THAP6: variants seen among roughly 807,000 people sequenced by gnomAD.
The protein encoded by THAP6 is THAP domain containing 6.
In THAP6, 13 loss-of-function variants were observed where a neutral mutation model predicts 20.0. That is an observed-to-expected ratio of 0.65 (90% CI 0.42 to 1.03). The LOEUF is 1.03. Among genes scored for constraint, THAP6 ranks in the 50% least tolerant of loss-of-function variants. THAP6 has a pLI of 0.00. For missense variants in THAP6, 262 were observed against 261.6 expected, an observed-to-expected ratio of 1.00 and a Z score of -0.01; for synonymous variants, 93 against 92.2, an observed-to-expected ratio of 1.01 and a Z score of -0.05.
intron 2 of THAP6, among the ~76,000 whole-genome samples, chr4:75,538,410 G>A (rs1726925141): frequency 6.6e-6 from 1 of 151,172 alleles, no homozygotes; most frequent in Admixed American, 6.6e-5. Flanking sequence ...AGGAACATAA[G>A]AATGTCATTG....
intron 2 of THAP6, among the ~76,000 whole-genome samples, chr4:75,536,346 C>T (rs190218516): frequency 0.017 from 2,546 of 152,070 alleles, 35 homozygotes; most frequent in Non-Finnish European, 0.023. Flanking sequence ...TGCCTGTAAT[C>T]CCAGCTACTC....
intron 2 of THAP6, among the ~76,000 whole-genome samples, chr4:75,539,387 A>G (rs550068540): frequency 1.3e-5 from 2 of 152,336 alleles, no homozygotes; most frequent in Admixed American, 6.5e-5. Context: ...GTGTGAGAGA[A>G]CAACAGGAAT....
chr4:75,516,911 A>G lies in THAP6; in HGVS notation c.220A>G (p.Ser74Gly). The change falls in exon 3 of 5, where the codon AGT becomes GGT. Residue 74 changes from serine to glycine, a missense_variant. Transcript: ENST00000311638. Reference protein sequence around the residue: ...RHFKKTDFDRSAPNIKLKPGV... With the variant: ...RHFKKTDFDRGAPNIKLKPGV... ...CTTTAAGAAGACAGATTTTGACAGA[A>G]GTGCTCCAAATATTAAACTGAAACC... The G allele has an allele frequency of 2.5e-6, 4 of 1,614,024 alleles. No individual in the cohort carries two copies. Among genetic ancestry groups the G allele is most frequent in the Non-Finnish European group, 3.4e-6 (4 of 1,180,008 alleles).
intron 3 of THAP6, 81 bp from the exon 4 acceptor site, chr4:75,521,655 A>T: frequency 1.5e-6 from 2 of 1,375,268 alleles, no homozygotes; most frequent in African/African-American, 1.5e-5. Context: ...TAACTTCACT[A>T]TACAAAGTTA....
At chr4:75,530,457 GC>G (rs1401750406), downstream of THAP6, among the ~76,000 whole-genome samples, 1 of 152,092 alleles carries the variant, frequency 6.6e-6, no homozygotes, top group East Asian at 1.9e-4. Flanking sequence ...ATGTTTATAG[GC>G]CCCTGAATTT....
intron 3 of THAP6, among the ~76,000 whole-genome samples, chr4:75,545,766 G>A (rs745596996): frequency 2.0e-5 from 3 of 152,188 alleles, no homozygotes; most frequent in Non-Finnish European, 4.4e-5. Flanking sequence ...ACCACAGATG[G>A]GAGACTAGCC....
chr4:75,544,165 A>G (rs1015214923), intron 3 of THAP6, among the ~76,000 whole-genome samples: 1 of 152,198 alleles, frequency 6.6e-6, no homozygotes, highest in African/African-American at 2.4e-5. Context: ...CCCAGCTTCA[A>G]CAGTTATAAA....
intron 3 of THAP6, among the ~76,000 whole-genome samples, chr4:75,545,620 T>A (rs1727108794): frequency 6.6e-6 from 1 of 152,108 alleles, no homozygotes; most frequent in Non-Finnish European, 1.5e-5. Context: ...TCAACCTGAC[T>A]CAGGGGTGCC....
chr4:75,525,755 G>A (rs1234658890), intron 4 of THAP6, among the ~76,000 whole-genome samples: 1 of 152,084 alleles, frequency 6.6e-6, no homozygotes, highest in Non-Finnish European at 1.5e-5. Context: ...GAAACTGTTC[G>A]ACCCTTTCAG....
Position 75,521,719 on chromosome 4 carries a change from T to TTAC in THAP6, c.289-15_289-14insCTA, listed in dbSNP as rs386400514. On this transcript the variant is annotated splice_polypyrimidine_tract_variant and intron_variant, in intron 3 of 4. Transcript: ENST00000311638. ...AAAGTATCTCACTTGATGATTATTA[T>TTAC]TAACTACTCTTAACAGGGGAAAAGA... The TTAC allele has an allele frequency of 3.8e-6, 6 of 1,583,928 alleles. No homozygotes were observed. Among genetic ancestry groups the TTAC allele is most frequent in the Middle Eastern group, 3.4e-4 (2 of 5,878 alleles).
upstream of THAP6, chr4:75,514,030 C>G: frequency 9.4e-7 from 1 of 1,064,762 alleles, no homozygotes; most frequent in Non-Finnish European, 1.3e-6. Context: ...TGGGGCTTAT[C>G]GCCTTGCCAA....
chr4:75,521,859 T>A lies in THAP6; in HGVS notation c.412T>A (p.Phe138Ile). The change falls in exon 4 of 5, where the codon TTT becomes ATT. Residue 138 changes from phenylalanine to isoleucine, a missense_variant and splice_region_variant. Transcript: ENST00000311638. Reference protein sequence around the residue: ...CIEEFQSQFIFEHSYSVMDSP... With the variant: ...CIEEFQSQFIIEHSYSVMDSP... ...TGAAGAATTCCAATCCCAGTTCATT[T>A]TTGTAAGTAAATTACTTGCTGAGCT... is the stretch of plus-strand genomic sequence containing the variant. 2 of 1,613,492 alleles carry A rather than the reference T, an allele frequency of 1.2e-6. No individual in the cohort carries two copies. The highest frequency in any genetic ancestry group is 1.7e-6 in the Non-Finnish European group (2 of 1,179,594).
At chr4:75,537,578 A>G (rs908378562) in intron 2 of THAP6, among the ~76,000 whole-genome samples, 2 of 152,128 alleles carry the variant, frequency 1.3e-5, no homozygotes, top group South Asian at 2.1e-4. Flanking sequence ...TGTGAGTCCA[A>G]TTAAACTACT....
At chr4:75,514,357 C>A, upstream of THAP6, 1 of 1,510,964 alleles carries the variant, frequency 6.6e-7, no homozygotes, top group Non-Finnish European at 9.0e-7. Flanking sequence ...GAAGCTGCGC[C>A]TCTCTAGCAC....
downstream of THAP6, among the ~76,000 whole-genome samples, chr4:75,534,980 G>A (rs1336660743): frequency 6.6e-6 from 1 of 152,218 alleles, no homozygotes; most frequent in East Asian, 1.9e-4. Context: ...CAACCATTGT[G>A]GAAGTCAGTG....
chr4:75,543,957 CTCT>C (rs1727068893), intron 3 of THAP6, among the ~76,000 whole-genome samples: 1 of 152,226 alleles, frequency 6.6e-6, no homozygotes, highest in African/African-American at 2.4e-5. Context: ...TGGAAGCTGA[CTCT>C]TCTTAGCAGT....
chr4:75,531,875 ATCTCCCACTGGGTC>A (rs374927914), downstream of THAP6, among the ~76,000 whole-genome samples: 111 of 151,570 alleles, frequency 7.3e-4, no homozygotes, highest in Non-Finnish European at 1.1e-3. Flanking sequence ...TGATTCAGTC[ATCTCCCACTGGGTC>A]TCTCCCACTG....
intron 4 of THAP6, among the ~76,000 whole-genome samples, chr4:75,524,642 C>T (rs762100215): frequency 1.1e-4 from 16 of 152,176 alleles, no homozygotes; most frequent in Non-Finnish European, 2.1e-4. Flanking sequence ...CTGCTGTATT[C>T]TTACATGCAC....
rs192325112 is a variant in THAP6, at chr4:75,543,330, C to T, written c.243+844C>T. Reference sequence around the variant, plus strand: ...AGTAATATTTTAGAACCAGTTTTAGCAAACCACTTGTGGCATACTGTGTAT... The same window carrying T: ...AGTAATATTTTAGAACCAGTTTTAGTAAACCACTTGTGGCATACTGTGTAT... On this transcript the variant is annotated intron_variant, in intron 3 of 4. Coordinates refer to the THAP6 transcript ENST00000502620. Among the ~76,000 whole-genome samples, 41 of 152,332 alleles carry T rather than the reference C, an allele frequency of 2.7e-4. No individual in the cohort carries two copies. In the East Asian group the frequency reaches 7.5e-3, roughly 28 times the overall value.
Sources: gnomAD v4.1 joint callset for allele counts (sites outside exome capture counted in the v4.1 genomes callset) on GRCh38, gnomAD v4.1.1 for gene constraint, MANE v1.5 for transcripts, NCBI Gene and HGNC (gene_info 2026-07-23, HGNC 2026-07-21) for gene names.